LDLRAD4: variants seen among roughly 807,000 people sequenced by gnomAD.
LDLRAD4 encodes low-density lipoprotein receptor class A domain-containing protein 4.
LDLRAD4 carries 5 observed loss-of-function variants against 17.0 expected under a neutral mutation model. That is an observed-to-expected ratio of 0.29 (90% CI 0.15 to 0.62). The LOEUF (loss-of-function observed/expected upper bound fraction) is 0.62, where lower values mean the gene tolerates loss of function less well. Among genes scored for constraint, LDLRAD4 ranks in the 20% least tolerant of loss-of-function variants. The pLI is 0.84. For missense variants in LDLRAD4, 340 were observed against 424.7 expected, an observed-to-expected ratio of 0.80 and a Z score of 1.75; for synonymous variants, 168 against 171.8, an observed-to-expected ratio of 0.98 and a Z score of 0.17.
Position 13,284,577 on chromosome 18 carries a change from G to A in LDLRAD4, c.-383+6389G>A, listed in dbSNP as rs1157902345. ...AAAATAAACCCTCAGATTCTGGGTT[G>A]CTTGGTGGTGTGTGTATTTTTCCGT... is the stretch of plus-strand genomic sequence containing the variant. On this transcript the variant is annotated intron_variant, in intron 1 of 5. Coordinates refer to ENST00000359446, the Ensembl canonical transcript of LDLRAD4. Among the ~76,000 whole-genome samples the A allele has an allele frequency of 3.3e-5, 5 of 152,186 alleles. No individual in the cohort carries two copies. The East Asian group carries it at 7.7e-4, about 24-fold the overall frequency.
chr18:13,244,541 G>A (rs920461790), intron 1 of LDLRAD4, among the ~76,000 whole-genome samples: 3 of 152,180 alleles, frequency 2.0e-5, no homozygotes, highest in Non-Finnish European at 2.9e-5. Flanking sequence ...ACCTACCTAC[G>A]TCTCTCTTTT....
At chr18:13,388,054 C>G (rs1316653612) in intron 2 of LDLRAD4, among the ~76,000 whole-genome samples, 1 of 152,220 alleles carries the variant, frequency 6.6e-6, no homozygotes. Context: ...TCTCTGTTCT[C>G]TAAGGAAATA....
chr18:13,466,885 A>C (rs1209100782), intron 3 of LDLRAD4, among the ~76,000 whole-genome samples: 1 of 152,348 alleles, frequency 6.6e-6, no homozygotes, highest in South Asian at 2.1e-4. Context: ...TTATAAGGAC[A>C]CTAATCCCAT....
chr18:13,598,301 C>T (rs1242583272), intron 3 of LDLRAD4, among the ~76,000 whole-genome samples: 1 of 152,240 alleles, frequency 6.6e-6, no homozygotes. Context: ...GGCACAGTCA[C>T]CCTGGGATGG....
chr18:13,234,327 C>T (rs1044333708), intron 1 of LDLRAD4, among the ~76,000 whole-genome samples: 4 of 152,348 alleles, frequency 2.6e-5, no homozygotes, highest in East Asian at 3.9e-4. Flanking sequence ...GCACATTAGT[C>T]GCCTGGCTTT....
At chr18:13,221,977 G>T (rs2041477346) in intron 1 of LDLRAD4, among the ~76,000 whole-genome samples, 1 of 152,176 alleles carries the variant, frequency 6.6e-6, no homozygotes, top group African/African-American at 2.4e-5. Flanking sequence ...AAGTCCTCTG[G>T]TTAATATATT....
intron 3 of LDLRAD4, among the ~76,000 whole-genome samples, chr18:13,499,019 T>C (rs2093553046): frequency 7.0e-6 from 1 of 142,488 alleles, no homozygotes; most frequent in Non-Finnish European, 1.5e-5. Context: ...CACTGGAGAA[T>C]CCTTCTTGCC....
chr18:13,525,616 G>C (rs868092706), intron 3 of LDLRAD4, among the ~76,000 whole-genome samples: 2 of 152,246 alleles, frequency 1.3e-5, no homozygotes, highest in African/African-American at 2.4e-5. Flanking sequence ...GGCATCTGCC[G>C]GGGTGACCCA....
chr18:13,553,988 A>C (rs1354659728), intron 3 of LDLRAD4, among the ~76,000 whole-genome samples: 1 of 152,128 alleles, frequency 6.6e-6, no homozygotes, highest in African/African-American at 2.4e-5. Context: ...GCCCATTTTT[A>C]ACTCTCAGTA....
intron 1 of LDLRAD4, among the ~76,000 whole-genome samples, chr18:13,379,445 C>T (rs2085174702): frequency 6.6e-6 from 1 of 152,204 alleles, no homozygotes; most frequent in African/African-American, 2.4e-5. Flanking sequence ...GTATTCTAGT[C>T]CCCATGGTCA....
intron 3 of LDLRAD4, among the ~76,000 whole-genome samples, chr18:13,573,624 T>C (rs911461809): frequency 3.3e-5 from 5 of 152,246 alleles, no homozygotes; most frequent in African/African-American, 4.8e-5. Context: ...CATGCTGGGC[T>C]CACATTATAG....
chr18:13,379,355 A>T (rs1266311703), intron 1 of LDLRAD4, among the ~76,000 whole-genome samples: 3 of 152,274 alleles, frequency 2.0e-5, no homozygotes, highest in Non-Finnish European at 4.4e-5. Flanking sequence ...GACAGAGGCC[A>T]TAGATTGAAA....
chr18:13,620,100 C>T (rs925647027), intron 3 of LDLRAD4, among the ~76,000 whole-genome samples: 8 of 152,112 alleles, frequency 5.3e-5, no homozygotes, highest in African/African-American at 1.7e-4. Flanking sequence ...CGCACACAGT[C>T]GTAGCCACTG....
In LDLRAD4 at chr18:13,645,524, C is replaced by A; in HGVS notation, c.788C>A (p.Pro263Gln). ...TACAGCGAGGTGATGGGCCACCACC[C>A]AGGCGCCTCTTTCCTCCATCACCAG... Residue 263 changes from proline (P) to glutamine (Q), a missense_variant, in exon 6 of 6, where the codon CCA (proline) becomes CAA (glutamine). By Grantham distance (76) the Pro-to-Gln change is moderately conservative. Transcript: ENST00000359446. This position sits in a 1 kb window ranked among gnomAD's most constrained non-coding sequence, Gnocchi z 5.7. 1 of 1,610,882 alleles carries A rather than the reference C, an allele frequency of 6.2e-7. No individual in the cohort carries two copies. Among genetic ancestry groups the A allele is most frequent in the Non-Finnish European group, 8.5e-7 (1 of 1,178,656 alleles).
At chr18:13,339,511 T>A (rs1221742855) in intron 1 of LDLRAD4, among the ~76,000 whole-genome samples, 1 of 152,212 alleles carries the variant, frequency 6.6e-6, no homozygotes, top group Admixed American at 6.5e-5. Flanking sequence ...ATATCACTAC[T>A]TAAGCTTTGT....
intron 3 of LDLRAD4, among the ~76,000 whole-genome samples, chr18:13,508,695 A>C (rs540572798): frequency 7.7e-4 from 118 of 152,366 alleles, no homozygotes; most frequent in Admixed American, 1.7e-3. Context: ...GCTCAGGAAA[A>C]AAAAAGATTC....
At chr18:13,336,731 A>G (rs1446093091) in intron 1 of LDLRAD4, among the ~76,000 whole-genome samples, 1 of 149,698 alleles carries the variant, frequency 6.7e-6, no homozygotes, top group Non-Finnish European at 1.5e-5. Flanking sequence ...TTTTTTTCTC[A>G]CTATTTTTTC....
intron 3 of LDLRAD4, among the ~76,000 whole-genome samples, chr18:13,464,718 T>C (rs1430407964): frequency 1.5e-5 from 2 of 133,232 alleles, no homozygotes; most frequent in Non-Finnish European, 3.1e-5. Flanking sequence ...AGAGCCTGAC[T>C]TTTTTTTTTT....
At chr18:13,598,815 G>A (rs930266526) in intron 3 of LDLRAD4, among the ~76,000 whole-genome samples, 22 of 152,326 alleles carry the variant, frequency 1.4e-4, no homozygotes, top group African/African-American at 5.1e-4. Flanking sequence ...CAGCTGGAGT[G>A]GGGACATTAG....
Sources: allele counts gnomAD v4.1 joint callset (sites outside exome capture counted in the v4.1 genomes callset), GRCh38; gene constraint gnomAD v4.1.1; non-coding constraint Gnocchi (gnomAD v3.1); transcripts MANE v1.5; gene names NCBI Gene and HGNC (gene_info 2026-07-23, HGNC 2026-07-21).